The following KNG1 variants were observed in gnomAD, a reference collection of about 807,000 sequenced individuals.
KNG1 encodes the protein kininogen-1.
KNG1 carries 23 observed loss-of-function variants against 47.8 expected under a neutral mutation model. That is an observed-to-expected ratio of 0.48 (90% confidence interval 0.35 to 0.68). KNG1 has a LOEUF of 0.68. Ranked by LOEUF, KNG1 falls within the 30% of genes least tolerant of loss-of-function variation. The pLI is 0.01. For missense variants in KNG1, 762 were observed against 790.2 expected, an observed-to-expected ratio of 0.96 and a Z score of 0.43; for synonymous variants, 277 against 277.0, an observed-to-expected ratio of 1.00 and a Z score of 0.00.
intron 1 of KNG1, 147 bp downstream of exon 1, chr3:186,717,884 A>C (rs1418886755): frequency 2.1e-5 from 4 of 188,496 alleles, no homozygotes; most frequent in South Asian, 1.3e-4. Context: ...CACCACCACA[A>C]CCACCACCAC....
At chr3:186,720,509 A>G in intron 2 of KNG1, 1 of 388,200 alleles carries the variant, frequency 2.6e-6, no homozygotes, top group Non-Finnish European at 4.8e-6. Flanking sequence ...CATTTGGGCC[A>G]AGCCAAAGAG....
intron 7 of KNG1, among the ~76,000 whole-genome samples, chr3:186,737,038 G>A (rs5030068): frequency 0.42 from 63,251 of 151,858 alleles, 13,337 homozygotes; most frequent in Middle Eastern, 0.52. Flanking sequence ...GTGAGACTCC[G>A]TCTCAAAAAA....
At position 186,742,235 on chromosome 3, in the gene KNG1, A is replaced by C; in HGVS notation, c.1839A>C (p.Lys613Asn). 6.2e-7 allele frequency: 1 copy of C among 1,614,156 alleles called. No individual in the cohort carries two copies. Among genetic ancestry groups the C allele is most frequent in the Non-Finnish European group, 8.5e-7 (1 of 1,180,018 alleles). The change falls in exon 10 of 10, where the codon AAA (lysine) becomes AAC (asparagine). Residue 613 changes from lysine to asparagine, a missense_variant. Lys to Asn is a moderately conservative substitution (Grantham distance 94, BLOSUM62 0). Coordinates refer to ENST00000644859, the MANE Select transcript of KNG1 (RefSeq NM_001102416.3). ...ISDFPDTTSP[K>N]CPGRPWKSVS... ...ATTTTCCAGACACGACCTCCCCAAAATGTCCTGGACGCCCCTGGAAGTCAG... is the reference window on the plus strand; with the variant it reads ...ATTTTCCAGACACGACCTCCCCAAACTGTCCTGGACGCCCCTGGAAGTCAG...
Position 186,720,110 on chromosome 3 carries a change from C to T in KNG1, c.201C>T (p.Gly67=). 2 of 1,611,738 alleles carry T rather than the reference C, an allele frequency of 1.2e-6. No homozygotes were observed. Among genetic ancestry groups the T allele is most frequent in the Non-Finnish European group, 1.7e-6 (2 of 1,177,826 alleles). The change falls in exon 2 of 10, where the codon GGC becomes GGT. Residue 67 remains glycine, a synonymous_variant. Transcript: ENST00000644859. ...TATCTTTGGCTGCTTTTCAGGTTGG[C>T]TCTGACACGTTTTATTCCTTCAAGT... The part of the protein sequence containing the change: ...YRITEATKTV[G]SDTFYSFKYE...
rs144423398 is a variant in KNG1 at position 186,737,998 on chromosome 3, C to T, written c.931-1101C>T. 5.4e-3 allele frequency among the ~76,000 whole-genome samples: 822 copies of T among 151,974 alleles called. 5 individuals are homozygous for T. Among genetic ancestry groups the T allele is most frequent in the African/African-American group, 7.8e-3 (322 of 41,462 alleles). ...AAATAATTTTTTTTTCTTTTTGAGA[C>T]AGAGTCTCACTCTGTCACCCAGGCT... On this transcript the variant is annotated intron_variant, in intron 7 of 9. Transcript: ENST00000644859.
chr3:186,730,926 T>G (rs1235031731), intron 5 of KNG1, among the ~76,000 whole-genome samples: 1 of 151,724 alleles, frequency 6.6e-6, no homozygotes, highest in Non-Finnish European at 1.5e-5. Context: ...TGTCTTAGAT[T>G]TGTAATTGCA....
intron 9 of KNG1, among the ~76,000 whole-genome samples, chr3:186,740,967 GT>G (rs941205412): frequency 3.8e-4 from 55 of 145,168 alleles, no homozygotes; most frequent in Admixed American, 4.0e-4. Flanking sequence ...GTTTGGCTGG[GT>G]TTTTTTGTTT....
intron 7 of KNG1, among the ~76,000 whole-genome samples, chr3:186,735,231 A>T (rs1720640684): frequency 6.6e-6 from 1 of 152,050 alleles, no homozygotes; most frequent in African/African-American, 2.4e-5. Flanking sequence ...CATGCCTGTG[A>T]TCCCAGTACT....
At position 186,741,746 on chromosome 3, in the gene KNG1, C is replaced by T. The variant is rs1290036218; in HGVS notation, c.1350C>T (p.Asp450=). 1 of 1,614,038 alleles carries T rather than the reference C, an allele frequency of 6.2e-7. No homozygotes were observed. The highest frequency in any genetic ancestry group is 8.5e-7 in the Non-Finnish European group (1 of 1,180,036). ...NLGHGHKHER[D]QGHGHQRGHG... ...GCCATGGCCATAAACATGAACGTGA[C>T]CAAGGGCATGGGCACCAAAGAGGAC... Residue 450 remains aspartate (D), a synonymous_variant, in exon 10 of 10, where the codon GAC becomes GAT. Coordinates refer to ENST00000644859, the MANE Select transcript of KNG1 (RefSeq NM_001102416.3).
chr3:186,743,913 C>G lies in KNG1; in HGVS notation c.*1582C>G, dbSNP rs5030096. The G allele has an allele frequency of 2.1e-4, 158 of 737,516 alleles. No individual in the cohort carries two copies. The highest frequency in any genetic ancestry group is 6.0e-4 in the Admixed American group (30 of 49,962). 45.7% of individuals were successfully genotyped at this position (737,516 alleles called of 1,614,324 possible). A position where few individuals can be genotyped will look rare whatever the true frequency, so the allele number is the denominator to read the frequency against. ...GAAGAATGCCATTTTATCACTCTGC[C>G]TCTGGGTGAAATAAAGATCAGTCTT... On this transcript the variant is annotated 3_prime_UTR_variant, in exon 10 of 10. Transcript: ENST00000644859.
At chr3:186,719,486 A>T (rs775872252) in intron 1 of KNG1, among the ~76,000 whole-genome samples, 8 of 152,184 alleles carry the variant, frequency 5.3e-5, no homozygotes, top group Admixed American at 1.3e-4. Context: ...CATGCCTGTA[A>T]TCCCAGCACT....
Position 186,720,101 on chromosome 3 carries a change from T to A in KNG1, c.196-4T>A. On this transcript the variant is annotated splice_polypyrimidine_tract_variant and splice_region_variant and intron_variant, in intron 1 of 9. Transcript: ENST00000644859. The stretch of plus-strand genomic sequence containing the variant: ...AACCCTAAGTATCTTTGGCTGCTTT[T>A]CAGGTTGGCTCTGACACGTTTTATT... 1 of 1,603,734 alleles carries A rather than the reference T, an allele frequency of 6.2e-7. No individual in the cohort carries two copies. The highest frequency in any genetic ancestry group is 8.5e-7 in the Non-Finnish European group (1 of 1,170,510).
In KNG1 at chr3:186,742,735, T is replaced by TC; in HGVS notation, c.*405dup. 9.6e-7 allele frequency: 1 copy of TC among 1,036,736 alleles called. No homozygotes were observed. Among genetic ancestry groups the TC allele is most frequent in the Non-Finnish European group, 1.2e-6 (1 of 861,874 alleles). 64.2% of individuals were successfully genotyped at this position (1,036,736 alleles called of 1,614,324 possible). On this transcript the variant is annotated 3_prime_UTR_variant, in exon 10 of 10. Transcript: ENST00000644859. Reference sequence around the variant, plus strand: ...TGAATGTGTGTGAAAATAAGGGAAGTCAAGAGATTAAATGCTGAACTTATT... The same window carrying TC: ...TGAATGTGTGTGAAAATAAGGGAAGTCCAAGAGATTAAATGCTGAACTTATT...
At chr3:186,718,153 C>T (rs1407008286) in intron 1 of KNG1, 4 of 106,916 alleles carry the variant, frequency 3.7e-5, no homozygotes, top group South Asian at 1.4e-4. Flanking sequence ...CCACCACCAC[C>T]GCCACCCACC....
At chr3:186,727,378 A>G (rs1402215706) in intron 5 of KNG1, 34 bp downstream of exon 5, 1 of 1,348,978 alleles carries the variant, frequency 7.4e-7, no homozygotes, top group Non-Finnish European at 1.1e-6. Flanking sequence ...TAAAGTTCTT[A>G]GCATTTTGTT....
chr3:186,733,719 A>G (rs1720600354), intron 7 of KNG1, among the ~76,000 whole-genome samples: 1 of 152,166 alleles, frequency 6.6e-6, no homozygotes, highest in Non-Finnish European at 1.5e-5. Flanking sequence ...CTATAATCCC[A>G]GCACTTTGGG....
At chr3:186,719,580 G>T (rs1304522740) in intron 1 of KNG1, among the ~76,000 whole-genome samples, 2 of 151,950 alleles carry the variant, frequency 1.3e-5, no homozygotes, top group Non-Finnish European at 2.9e-5. Flanking sequence ...ATACAAAAAA[G>T]TAGCCAGGCG....
At chr3:186,740,943 T>G (rs909693296) in intron 9 of KNG1, among the ~76,000 whole-genome samples, 1 of 149,940 alleles carries the variant, frequency 6.7e-6, no homozygotes, top group African/African-American at 2.5e-5. Context: ...TATTTTACAG[T>G]TTTTTTTGTT....
At chr3:186,731,680 C>A in intron 6 of KNG1, 51 bp downstream of exon 6, 1 of 1,171,926 alleles carries the variant, frequency 8.5e-7, no homozygotes, top group Non-Finnish European at 1.3e-6. Context: ...TGGTCCCAGA[C>A]AACTGGCTGA....
Sources: allele counts gnomAD v4.1 joint callset (sites outside exome capture counted in the v4.1 genomes callset), GRCh38; gene constraint gnomAD v4.1.1; transcripts MANE v1.5; gene names NCBI Gene and HGNC (gene_info 2026-07-23, HGNC 2026-07-21).